Variants in GPM6A observed in about 807,000 individuals in gnomAD.
GPM6A encodes neuronal membrane glycoprotein M6-a.
GPM6A carries 7 observed loss-of-function variants against 32.1 expected under a neutral mutation model. The ratio of observed to expected loss-of-function variants is 0.22; its 90% confidence interval spans 0.12 to 0.41. The LOEUF (loss-of-function observed/expected upper bound fraction) is 0.41. GPM6A is among the 10% of genes least tolerant of loss of function. The pLI is 1.00. For synonymous variants in GPM6A, 130 were observed against 123.4 expected (o/e 1.05, Z -0.35); for missense variants, 235 against 347.2 (o/e 0.68, Z 2.57).
At chr4:175,678,809 GT>G (rs1439598234) in intron 2 of GPM6A, among the ~76,000 whole-genome samples, 1 of 152,088 alleles carries the variant, frequency 6.6e-6, no homozygotes, top group African/African-American at 2.4e-5. Flanking sequence ...AAAATGGCAT[GT>G]TTTCTAAACA....
At chr4:175,681,835 T>C (rs1316942550) in intron 2 of GPM6A, among the ~76,000 whole-genome samples, 1 of 152,200 alleles carries the variant, frequency 6.6e-6, no homozygotes, top group Non-Finnish European at 1.5e-5. Flanking sequence ...TTTCAGGTAT[T>C]TCTTTATAGT....
At chr4:176,001,295 T>G (rs1018143518) in intron 1 of GPM6A, among the ~76,000 whole-genome samples, 1 of 151,992 alleles carries the variant, frequency 6.6e-6, no homozygotes, top group African/African-American at 2.4e-5. Context: ...CTGGAAGAAG[T>G]GAGCGGGCTG....
intron 1 of GPM6A, among the ~76,000 whole-genome samples, chr4:175,831,746 G>GTT (rs1735620930): frequency 1.6e-4 from 20 of 127,866 alleles, no homozygotes; most frequent in Admixed American, 3.4e-4. Flanking sequence ...TTTGACGGAG[G>GTT]TTCACTTTTG....
rs562481978 is a variant in GPM6A, at chr4:175,794,210, G to A, written c.37+17981C>T. 1.1e-4 allele frequency among the ~76,000 whole-genome samples: 16 copies of A among 152,264 alleles called. No individual in the cohort carries two copies. The East Asian group carries it at 2.9e-3, about 28-fold the overall frequency. ...CATCCATAAAATAAGAGTAATAAAAGTATCTTATTTGTATAGTTATTGTGA... is the reference window on the plus strand; with the variant it reads ...CATCCATAAAATAAGAGTAATAAAAATATCTTATTTGTATAGTTATTGTGA... On this transcript the variant is annotated intron_variant, in intron 1 of 6. Transcript: ENST00000393658.
At chr4:175,640,390 CATT>C (rs576547278) in intron 5 of GPM6A, among the ~76,000 whole-genome samples, 196 bp from the exon 6 acceptor site, 18 of 152,250 alleles carry the variant, frequency 1.2e-4, no homozygotes, top group Admixed American at 5.9e-4. Flanking sequence ...TCAACTTCAT[CATT>C]ATAACATAAT....
At chr4:175,954,723 C>G (rs978893260) in intron 1 of GPM6A, among the ~76,000 whole-genome samples, 28 of 152,214 alleles carry the variant, frequency 1.8e-4, no homozygotes, top group African/African-American at 6.5e-4. Flanking sequence ...AGCTACATCC[C>G]TTTCACAGGG....
At chr4:175,873,851 T>C (rs1560974352) in intron 1 of GPM6A, among the ~76,000 whole-genome samples, 1 of 152,228 alleles carries the variant, frequency 6.6e-6, no homozygotes, top group Non-Finnish European at 1.5e-5. Flanking sequence ...AACTTTAGTG[T>C]GTCATAAAGT....
chr4:175,902,148 T>C (rs1045895033), intron 1 of GPM6A, among the ~76,000 whole-genome samples: 1 of 152,220 alleles, frequency 6.6e-6, no homozygotes, highest in African/African-American at 2.4e-5. Context: ...TCATACAAGA[T>C]GCTACTCTGG....
At chr4:175,684,952 G>A (rs888107493) in intron 2 of GPM6A, among the ~76,000 whole-genome samples, 4 of 151,928 alleles carry the variant, frequency 2.6e-5, no homozygotes, top group African/African-American at 7.3e-5. Flanking sequence ...ACAGTGGTGC[G>A]ATCTCGGCTC....
At chr4:175,639,985 C>T in intron 6 of GPM6A, 144 bp downstream of exon 6, 1 of 733,970 alleles carries the variant, frequency 1.4e-6, no homozygotes, top group Non-Finnish European at 2.5e-6. Context: ...CTTACTTACC[C>T]ATTGTTTTCC....
intron 1 of GPM6A, among the ~76,000 whole-genome samples, chr4:175,963,659 T>A (rs375930161): frequency 2.0e-5 from 3 of 151,966 alleles, no homozygotes; most frequent in East Asian, 3.9e-4. Context: ...ATGATATAGA[T>A]CAGAAACCTG....
At chr4:175,936,158 T>C (rs1739217456) in intron 1 of GPM6A, among the ~76,000 whole-genome samples, 1 of 151,134 alleles carries the variant, frequency 6.6e-6, no homozygotes, top group African/African-American at 2.4e-5. Context: ...TACAAAAAAT[T>C]AGCTGGGCTT....
intron 1 of GPM6A, among the ~76,000 whole-genome samples, chr4:175,809,342 C>T (rs1227461056): frequency 1.3e-5 from 2 of 151,772 alleles, no homozygotes; most frequent in East Asian, 3.9e-4. Flanking sequence ...TTTATTATGG[C>T]CATAGTAAAG....
At chr4:175,977,556 A>C (rs1050538834) in intron 1 of GPM6A, among the ~76,000 whole-genome samples, 3 of 152,214 alleles carry the variant, frequency 2.0e-5, no homozygotes, top group African/African-American at 7.2e-5. Flanking sequence ...ATAGTAATAC[A>C]TTATTTGATA....
At chr4:175,641,189 G>C (rs747107711) in intron 4 of GPM6A, 3 of 196,098 alleles carry the variant, frequency 1.5e-5, no homozygotes, top group Non-Finnish European at 3.1e-5. Context: ...CTGAAGTCAG[G>C]ATCTAAATTT....
chr4:175,744,957 G>C (rs1307314625), intron 1 of GPM6A, among the ~76,000 whole-genome samples: 2 of 152,080 alleles, frequency 1.3e-5, no homozygotes, highest in Non-Finnish European at 2.9e-5. Flanking sequence ...AAAGAAAAAG[G>C]ACAGGAAAGT....
At chr4:175,976,934 C>G (rs574191956) in intron 1 of GPM6A, among the ~76,000 whole-genome samples, 1 of 152,160 alleles carries the variant, frequency 6.6e-6, no homozygotes, top group Non-Finnish European at 1.5e-5. Flanking sequence ...ACCCTGCATT[C>G]CATAATGGTG....
At chr4:175,839,954 A>G (rs1735886100) in intron 1 of GPM6A, among the ~76,000 whole-genome samples, 1 of 152,212 alleles carries the variant, frequency 6.6e-6, no homozygotes, top group African/African-American at 2.4e-5. Context: ...ATAATTCCTG[A>G]AGCGAGAGAG....
intron 1 of GPM6A, among the ~76,000 whole-genome samples, chr4:175,757,844 T>C (rs1237604606): frequency 1.3e-5 from 2 of 152,152 alleles, no homozygotes; most frequent in Admixed American, 6.6e-5. Context: ...GAACCATTCA[T>C]AGAACCCGAA....
Sources: allele counts gnomAD v4.1 joint callset (sites outside exome capture counted in the v4.1 genomes callset), GRCh38; gene constraint gnomAD v4.1.1; transcripts MANE v1.5; gene names NCBI Gene and HGNC (gene_info 2026-07-23, HGNC 2026-07-21).